ANXA6: variants seen among roughly 807,000 people sequenced by gnomAD.
ANXA6 encodes 67 kDa calelectrin.
A neutral mutation model predicts 95.4 loss-of-function variants in ANXA6; 71 were observed. The observed-to-expected ratio is 0.74, with a 90% CI of 0.61 to 0.91. ANXA6 has a LOEUF of 0.91. Ranked by LOEUF, ANXA6 falls within the 40% of genes least tolerant of loss-of-function variation. The pLI is 0.00. For synonymous variants in ANXA6, 289 were observed against 315.9 expected (o/e 0.91, Z 0.90); for missense variants, 830 against 876.4 (o/e 0.95, Z 0.67).
intron 20 of ANXA6, among the ~76,000 whole-genome samples, chr5:151,110,925 T>C (rs1266613009): frequency 6.6e-6 from 1 of 152,024 alleles, no homozygotes; most frequent in Non-Finnish European, 1.5e-5. Flanking sequence ...GACACAGAAA[T>C]GGGGAACTCT....
intron 8 of ANXA6, among the ~76,000 whole-genome samples, chr5:151,133,780 A>AT (rs1394751536): frequency 2.6e-5 from 4 of 151,984 alleles, no homozygotes; most frequent in Non-Finnish European, 4.4e-5. Flanking sequence ...TAAGTATTCC[A>AT]TTTTTTTCTC....
In ANXA6 at chr5:151,136,314, G is replaced by A; in HGVS notation, c.431C>T (p.Ala144Val). ...GCCAGAGGTGTCGCCGATGATGTCA[G>A]CCTCCAGGTCCCGCTCGTAGGCTGC... ...YKDAYERDLEADIIGDTSGHF... is the reference protein window; with the variant it reads ...YKDAYERDLEVDIIGDTSGHF... Residue 144 changes from alanine (A) to valine (V), a missense_variant, in exon 7 of 26, where the codon GCT (alanine) becomes GTT (valine). By Grantham distance (64) the Ala-to-Val change is moderately conservative. Coordinates refer to ENST00000354546, the MANE Select transcript of ANXA6 (RefSeq NM_001155.5). 6.2e-7 allele frequency: 1 copy of A among 1,613,928 alleles called. No individual in the cohort carries two copies. Among genetic ancestry groups the A allele is most frequent in the Non-Finnish European group, 8.5e-7 (1 of 1,179,844 alleles).
chr5:151,115,526 CA>C (rs11359115), intron 20 of ANXA6, among the ~76,000 whole-genome samples: 75,265 of 152,000 alleles, frequency 0.5, 18,725 homozygotes, highest in East Asian at 0.57. Flanking sequence ...GCCTCATTGG[CA>C]AACCAGGCAC....
intron 24 of ANXA6, 103 bp from the exon 25 acceptor site, chr5:151,103,795 C>A: frequency 7.4e-7 from 1 of 1,348,462 alleles, no homozygotes; most frequent in African/African-American, 1.5e-5. Context: ...TTGTTCCTTC[C>A]AAAAACAGGG....
At chr5:151,132,606 T>C (rs1765547006) in intron 9 of ANXA6, 35 bp from the exon 10 acceptor site, 2 of 1,571,026 alleles carry the variant, frequency 1.3e-6, no homozygotes, top group East Asian at 4.5e-5. Flanking sequence ...GGTTTGAGAG[T>C]GCCTCTGTAC....
At position 151,101,055 on chromosome 5, in the gene ANXA6, C is replaced by G; in HGVS notation, c.*393G>C. ...TTCCCACCACCCCGCCCAGCACATTCAACTGGCCCCTGCCACCAACCCCCT... is the reference window on the plus strand; with the variant it reads ...TTCCCACCACCCCGCCCAGCACATTGAACTGGCCCCTGCCACCAACCCCCT... On this transcript the variant is annotated 3_prime_UTR_variant, in exon 26 of 26. Coordinates refer to ENST00000354546, the MANE Select transcript of ANXA6 (RefSeq NM_001155.5). The G allele has an allele frequency of 2.1e-6, 1 of 472,954 alleles. No homozygotes were observed. The highest frequency in any genetic ancestry group is 4.2e-6 in the Non-Finnish European group (1 of 238,224). 29.3% of individuals were successfully genotyped at this position (472,954 alleles called of 1,614,324 possible). A position where few individuals can be genotyped will look rare whatever the true frequency, so the allele number is the denominator to read the frequency against.
intron 25 of ANXA6, among the ~76,000 whole-genome samples, chr5:151,102,949 T>C (rs532854606): frequency 6.6e-6 from 1 of 152,272 alleles, no homozygotes; most frequent in South Asian, 2.1e-4. Flanking sequence ...AACTGTTGAA[T>C]TGTACCCTTA....
rs1482747736 is a variant in ANXA6 at position 151,109,391 on chromosome 5, G to A, written c.1684+362C>T. Among the ~76,000 whole-genome samples the A allele has an allele frequency of 3.9e-5, 6 of 152,262 alleles. No homozygotes were observed. The South Asian group carries it at 8.3e-4, about 21-fold the overall frequency. ...GGGTCTTGTGCCACCACCACCTCTC[G>A]CTGCCTTGCTCCTGGCAGGCATCGC... On this transcript the variant is annotated intron_variant, in intron 22 of 25. Transcript: ENST00000354546.
intron 11 of ANXA6, among the ~76,000 whole-genome samples, chr5:151,129,838 G>A (rs1202494160): frequency 2.0e-5 from 3 of 152,104 alleles, no homozygotes; most frequent in East Asian, 1.9e-4. Flanking sequence ...AGCTTCCTGA[G>A]CAGCTGGGAG....
At chr5:151,124,480 G>T (rs893569275) in intron 14 of ANXA6, 113 bp from the exon 15 acceptor site, 11 of 970,080 alleles carry the variant, frequency 1.1e-5, no homozygotes, top group Non-Finnish European at 1.6e-6. Flanking sequence ...ACCAAGCGGC[G>T]TGGGTGGGGA....
rs1581987581 is a variant in ANXA6, at chr5:151,117,762, G to A, written c.1514C>T (p.Ala505Val). 1 of 1,613,410 alleles carries A rather than the reference G, an allele frequency of 6.2e-7. No individual in the cohort carries two copies. Among genetic ancestry groups the A allele is most frequent in the Middle Eastern group, 1.7e-4 (1 of 6,060 alleles). Residue 505 changes from alanine to valine, a missense_variant, in exon 19 of 26, where the codon GCC becomes GTC. Ala to Val is a moderately conservative substitution (Grantham distance 64, BLOSUM62 0). Transcript: ENST00000354546. Reference protein sequence around the residue: ...GHFRRILISLATGHREEGGEN... With the variant: ...GHFRRILISLVTGHREEGGEN... Reference sequence around the variant, plus strand: ...GGGGCCCATGAATTCACTCACCGTGGCCAGAGAAATGAGGATCCTCCTGAA... The same window carrying A: ...GGGGCCCATGAATTCACTCACCGTGACCAGAGAAATGAGGATCCTCCTGAA...
intron 12 of ANXA6, among the ~76,000 whole-genome samples, chr5:151,129,148 A>G (rs925372060): frequency 6.6e-6 from 1 of 152,146 alleles, no homozygotes; most frequent in Non-Finnish European, 1.5e-5. Flanking sequence ...GAGTCCTCGC[A>G]CTTAATTCAG....
In ANXA6 at chr5:151,140,426, C is replaced by A. The variant is rs1765797959; in HGVS notation, c.19-183G>T. On this transcript the variant is annotated intron_variant, in intron 2 of 25. Transcript: ENST00000354546. ...ACTTTCCCATACCACCTGCTGCAACCCGCCCAAAGGACAGTGCCATTTCCC... is the reference window on the plus strand; with the variant it reads ...ACTTTCCCATACCACCTGCTGCAACACGCCCAAAGGACAGTGCCATTTCCC... 5 of 615,888 alleles carry A rather than the reference C, an allele frequency of 8.1e-6. No individual in the cohort carries two copies. The East Asian group carries it at 1.1e-4, about 14-fold the overall frequency. The allele number at this position is 615,888 out of a possible 1,614,324, so 38.2% of individuals were successfully genotyped here. A position where few individuals can be genotyped will look rare whatever the true frequency, so the allele number is the denominator to read the frequency against.
rs866242941 is a variant in ANXA6, at chr5:151,109,135, G to C, written c.1685-585C>G. Among the ~76,000 whole-genome samples, 19 of 152,120 alleles carry C rather than the reference G, an allele frequency of 1.2e-4. 1 individual carries two copies. Among genetic ancestry groups the C allele is most frequent in the South Asian group, 1.0e-3 (5 of 4,814 alleles). ...CTGAGGTCACATGGCTGTTAAGTGGGGGATTCAAATCAAGGCCGTCCAGTG... is the reference window on the plus strand; with the variant it reads ...CTGAGGTCACATGGCTGTTAAGTGGCGGATTCAAATCAAGGCCGTCCAGTG... On this transcript the variant is annotated intron_variant, in intron 22 of 25. Coordinates refer to ENST00000354546, the MANE Select transcript of ANXA6 (RefSeq NM_001155.5).
intron 20 of ANXA6, among the ~76,000 whole-genome samples, chr5:151,116,424 G>A (rs1055710323): frequency 6.6e-6 from 1 of 152,202 alleles, no homozygotes; most frequent in African/African-American, 2.4e-5. Context: ...GGCCTCAGTA[G>A]GGACTGCCCA....
chr5:151,124,471 C>A (rs1431648042), intron 14 of ANXA6, 104 bp from the exon 15 acceptor site: 2 of 1,114,236 alleles, frequency 1.8e-6, no homozygotes, highest in African/African-American at 3.1e-5. Context: ...TGAGCCCAAA[C>A]CAAGCGGCGT....
In ANXA6 at chr5:151,100,905, G is replaced by A. The variant is rs761384957; in HGVS notation, c.*543C>T. ...GGCCTAAGGTCAGAAACAAGTGCATGGCAGATGCAGATTTGAACCCAGGCA... is the reference window on the plus strand; with the variant it reads ...GGCCTAAGGTCAGAAACAAGTGCATAGCAGATGCAGATTTGAACCCAGGCA... On this transcript the variant is annotated 3_prime_UTR_variant, in exon 26 of 26. Coordinates refer to ENST00000354546, the MANE Select transcript of ANXA6 (RefSeq NM_001155.5). 7 of 456,274 alleles carry A rather than the reference G, an allele frequency of 1.5e-5. No individual in the cohort carries two copies. The highest frequency in any genetic ancestry group is 1.4e-4 in the East Asian group (2 of 14,408). 28.3% of individuals were successfully genotyped at this position (456,274 alleles called of 1,614,324 possible).
At chr5:151,115,046 T>A (rs1268257771) in intron 20 of ANXA6, among the ~76,000 whole-genome samples, 1 of 152,242 alleles carries the variant, frequency 6.6e-6, no homozygotes, top group Admixed American at 6.5e-5. Flanking sequence ...ATGAATGTGA[T>A]AAAAGAGTTT....
intron 23 of ANXA6, among the ~76,000 whole-genome samples, chr5:151,107,115 T>A (rs771043863): frequency 2.3e-4 from 35 of 152,228 alleles, no homozygotes; most frequent in Admixed American, 6.5e-5. Flanking sequence ...ATAAGCTGGT[T>A]AAGAGCACCT....
Sources: allele counts gnomAD v4.1 joint callset (sites outside exome capture counted in the v4.1 genomes callset), GRCh38; gene constraint gnomAD v4.1.1; transcripts MANE v1.5; gene names NCBI Gene and HGNC (gene_info 2026-07-23, HGNC 2026-07-21).